ZNF487: variants seen among roughly 807,000 people sequenced by gnomAD.
The protein encoded by ZNF487 is zinc finger protein 487.
A neutral mutation model predicts 3.0 loss-of-function variants in ZNF487; 4 were observed. The ratio of observed to expected loss-of-function variants is 1.35; its 90% CI spans 0.66 to 3.08. The LOEUF is 3.08. Among genes scored for constraint, ZNF487 ranks in the 30% most tolerant of loss-of-function variants. The pLI is 0.01. For synonymous variants in ZNF487, 55 were observed against 34.6 expected, an observed-to-expected ratio of 1.59 and a Z score of -2.06; for missense variants, 146 against 98.7, an observed-to-expected ratio of 1.48 and a Z score of -2.03.
intron 1 of ZNF487, among the ~76,000 whole-genome samples, chr10:43,468,706 G>T (rs868184272): frequency 3.7e-5 from 5 of 134,802 alleles, no homozygotes; most frequent in Non-Finnish European, 6.4e-5. Flanking sequence ...AAAAAAAAAG[G>T]CCGGGCGCAG....
chr10:43,515,700 A>G, the ZNF487 span, among the ~76,000 whole-genome samples: 31,799 of 152,116 alleles, frequency 0.21, 5,567 homozygotes, highest in African/African-American at 0.47. Context: ...TACAGGAGAT[A>G]AGACTCACTC....
the ZNF487 span, among the ~76,000 whole-genome samples, chr10:43,500,083 C>T: frequency 6.6e-6 from 1 of 152,104 alleles, no homozygotes; most frequent in African/African-American, 2.4e-5. Flanking sequence ...GGGATTTCAC[C>T]AGGCTGATCT....
At chr10:43,461,925 A>G (rs541697480) in intron 1 of ZNF487, among the ~76,000 whole-genome samples, 1 of 152,312 alleles carries the variant, frequency 6.6e-6, no homozygotes, top group East Asian at 1.9e-4. Flanking sequence ...GGGCAAAGCT[A>G]TGTCTCACAC....
At chr10:43,440,052 A>ATGTTTTTT (rs147487158) in intron 1 of ZNF487, among the ~76,000 whole-genome samples, 1 of 146,050 alleles carries the variant, frequency 6.8e-6, no homozygotes, top group Non-Finnish European at 1.5e-5. Flanking sequence ...ATATATATAT[A>ATGTTTTTT]TATTTTTTTT....
intron 1 of ZNF487, among the ~76,000 whole-genome samples, chr10:43,442,279 CAAAG>C (rs779072247): frequency 9.3e-5 from 14 of 150,708 alleles, no homozygotes; most frequent in African/African-American, 1.5e-4. Flanking sequence ...AAAAAAAAAA[CAAAG>C]AAAAAAACTC....
chr10:43,521,506 C>T, the ZNF487 span, among the ~76,000 whole-genome samples: 2 of 152,118 alleles, frequency 1.3e-5, no homozygotes, highest in African/African-American at 2.4e-5. Context: ...GGGACGGGCA[C>T]TTGTTTATAG....
intron 1 of ZNF487, among the ~76,000 whole-genome samples, chr10:43,445,956 A>C (rs1166783246): frequency 6.6e-6 from 1 of 152,188 alleles, no homozygotes; most frequent in Non-Finnish European, 1.5e-5. Flanking sequence ...TTTAACCCTG[A>C]GTTGACACAG....
chr10:43,470,962 G>A (rs769606584), intron 1 of ZNF487, among the ~76,000 whole-genome samples: 2 of 151,972 alleles, frequency 1.3e-5, no homozygotes, highest in Non-Finnish European at 2.9e-5. Context: ...TGAGTAGTTG[G>A]GACTACAGGC....
chr10:43,489,797 A>G, the ZNF487 span, among the ~76,000 whole-genome samples: 1 of 152,252 alleles, frequency 6.6e-6, no homozygotes, highest in South Asian at 2.1e-4. Context: ...AAAGTCCTGA[A>G]GGAAGAATCA....
intron 1 of ZNF487, among the ~76,000 whole-genome samples, chr10:43,461,316 GTTTTTTTTT>G (rs138594367): frequency 7.4e-5 from 11 of 148,010 alleles, no homozygotes; most frequent in Non-Finnish European, 9.0e-5. Context: ...CCAGTCTTTT[GTTTTTTTTT>G]TTTTTTTTTG....
intron 1 of ZNF487, among the ~76,000 whole-genome samples, chr10:43,443,061 C>CTTTTT (rs34420531): frequency 3.3e-5 from 4 of 119,896 alleles, no homozygotes; most frequent in Admixed American, 9.8e-5. Flanking sequence ...CTCGTTCTAG[C>CTTTTT]TTTTTTTTTT....
In ZNF487 at chr10:43,441,034, A is replaced by ATTTTTTTTTTTTTTTTTTTTTTT. The variant is rs763451709; in HGVS notation, c.-94+3784_-94+3806dup. ...GGTAAATGCTACCACACCTGGTTAA[A>ATTTTTTTTTTTTTTTTTTTTTTT]TTTTTTTTTTTTTTTTTTTTTTTTT... On this transcript the variant is annotated intron_variant, in intron 1 of 3. Transcript: ENST00000437590. Among the ~76,000 whole-genome samples the ATTTTTTTTTTTTTTTTTTTTTTT allele has an allele frequency of 1.3e-4, 6 of 44,546 alleles. 2 individuals are homozygous for ATTTTTTTTTTTTTTTTTTTTTTT. Among genetic ancestry groups the ATTTTTTTTTTTTTTTTTTTTTTT allele is most frequent in the Admixed American group, 9.0e-4 (2 of 2,228 alleles). 29.2% of individuals were successfully genotyped at this position (44,546 alleles called of 152,430 possible). A position where few individuals can be genotyped will look rare whatever the true frequency, so the allele number is the denominator to read the frequency against.
At chr10:43,511,982 C>A in the ZNF487 span, among the ~76,000 whole-genome samples, 1 of 152,184 alleles carries the variant, frequency 6.6e-6, no homozygotes, top group Non-Finnish European at 1.5e-5. Context: ...TTGGCTACAG[C>A]CAATTAATCA....
chr10:43,455,309 C>A (rs1450106643), intron 1 of ZNF487, among the ~76,000 whole-genome samples: 5 of 152,166 alleles, frequency 3.3e-5, no homozygotes, highest in Non-Finnish European at 7.4e-5. Context: ...CGGCGCACGG[C>A]CTAGTTTGCA....
chr10:43,498,127 T>A, the ZNF487 span, among the ~76,000 whole-genome samples: 32 of 39,676 alleles, frequency 8.1e-4, no homozygotes, highest in South Asian at 1.7e-3. Flanking sequence ...TTTTTTTTTT[T>A]TTTTTTTTTT....
rs143170232 is a variant in ZNF487, at chr10:43,482,124, A to C, written c.*202A>C. The stretch of plus-strand genomic sequence containing the variant: ...GTGAGAATAGTTTTGGCAAGAAATC[A>C]CTCCTCATTCTACAAAGTTACAGAG... On this transcript the variant is annotated 3_prime_UTR_variant, in exon 4 of 4. Coordinates refer to ENST00000437590, the MANE Select transcript of ZNF487 (RefSeq NM_001355444.3). 1.6e-5 allele frequency: 9 copies of C among 565,498 alleles called. No homozygotes were observed. Among genetic ancestry groups the C allele is most frequent in the African/African-American group, 1.5e-4 (8 of 53,524 alleles). The allele number at this position is 565,498 out of a possible 1,614,324, so 35.0% of individuals were successfully genotyped here. A position where few individuals can be genotyped will look rare whatever the true frequency, so the allele number is the denominator to read the frequency against.
chr10:43,439,820 C>T (rs1839525583), intron 1 of ZNF487, among the ~76,000 whole-genome samples: 1 of 152,080 alleles, frequency 6.6e-6, no homozygotes, highest in African/African-American at 2.4e-5. Flanking sequence ...ATTGTATGAT[C>T]CCCACTTATA....
At chr10:43,481,137 G>C (rs1841335822) in intron 3 of ZNF487, among the ~76,000 whole-genome samples, 1 of 151,802 alleles carries the variant, frequency 6.6e-6, no homozygotes, top group African/African-American at 2.4e-5. Flanking sequence ...ACACCAGCCT[G>C]AGTAACAAGG....
At chr10:43,456,505 A>T (rs1240599926) in intron 1 of ZNF487, among the ~76,000 whole-genome samples, 1 of 152,214 alleles carries the variant, frequency 6.6e-6, no homozygotes, top group Non-Finnish European at 1.5e-5. Flanking sequence ...AGGCTTGCCC[A>T]GGAAATGTCT....
Sources: allele counts gnomAD v4.1 joint callset (sites outside exome capture counted in the v4.1 genomes callset), GRCh38; gene constraint gnomAD v4.1.1; transcripts MANE v1.5; gene names NCBI Gene and HGNC (gene_info 2026-07-23, HGNC 2026-07-21).